RANBP3L: variants seen among roughly 807,000 people sequenced by gnomAD.
RANBP3L encodes RAN binding protein 3 like.
A neutral mutation model predicts 67.2 loss-of-function variants in RANBP3L; 56 were observed. The observed-to-expected ratio is 0.83, with a 90% CI of 0.67 to 1.04. The LOEUF (loss-of-function observed/expected upper bound fraction) is 1.04, where lower values mean the gene tolerates loss of function less well. Ranked by LOEUF, RANBP3L falls within the 50% of genes least tolerant of loss-of-function variation. The probability of loss-of-function intolerance (pLI) is 0.00; values close to 1 mark genes in which losing one functional copy is unlikely to be tolerated. For missense variants in RANBP3L, 496 were observed against 535.5 expected (o/e 0.93, Z 0.73); for synonymous variants, 164 against 181.4 (o/e 0.90, Z 0.77).
chr5:36,290,668 T>G (rs1751670318), intron 1 of RANBP3L, among the ~76,000 whole-genome samples: 1 of 151,386 alleles, frequency 6.6e-6, no homozygotes, highest in Non-Finnish European at 1.5e-5. Flanking sequence ...TTTTTTATTT[T>G]GTGTGTGTTA....
intron 1 of RANBP3L, among the ~76,000 whole-genome samples, chr5:36,274,830 T>C (rs908202748): frequency 2.6e-5 from 4 of 152,138 alleles, no homozygotes; most frequent in African/African-American, 9.7e-5. Context: ...GTCTAAGTTC[T>C]AGAAAAGAGC....
At chr5:36,256,677 G>A (rs1421558146) in intron 10 of RANBP3L, 1 of 403,686 alleles carries the variant, frequency 2.5e-6, no homozygotes, top group Non-Finnish European at 4.4e-6. Context: ...ATTAAAGCAG[G>A]ATACTTGGCT....
intron 1 of RANBP3L, among the ~76,000 whole-genome samples, chr5:36,281,621 A>G (rs1045077931): frequency 2.0e-5 from 3 of 152,064 alleles, no homozygotes; most frequent in African/African-American, 7.2e-5. Flanking sequence ...TTGGGACATG[A>G]TCCTATATTG....
rs1345669904 is a variant in RANBP3L, at chr5:36,277,420, CTCTA to C, written c.92-6113_92-6110del. The stretch of plus-strand genomic sequence containing the variant: ...TTCATCTCTCTCTCTCTCTCTCTCT[CTCTA>C]TATATATATATATATATGTGTGTGT... On this transcript the variant is annotated intron_variant, in intron 1 of 13. Coordinates refer to ENST00000296604, the MANE Select transcript of RANBP3L (RefSeq NM_145000.5). Among the ~76,000 whole-genome samples, 55 of 80,566 alleles carry C rather than the reference CTCTA, an allele frequency of 6.8e-4. No homozygotes were observed. In the Middle Eastern group the frequency reaches 0.023, roughly 33 times the overall value. 52.9% of individuals were successfully genotyped at this position (80,566 alleles called of 152,430 possible).
chr5:36,257,637 CGTTTTTCT>C (rs1749088608), intron 8 of RANBP3L, 81 bp from the exon 9 acceptor site: 1 of 583,504 alleles, frequency 1.7e-6, no homozygotes, highest in Admixed American at 3.1e-5. Context: ...AAGACACTTC[CGTTTTTCT>C]GTTTCAACAC....
intron 1 of RANBP3L, among the ~76,000 whole-genome samples, chr5:36,288,469 T>C (rs1003837678): frequency 1.3e-5 from 2 of 152,218 alleles, no homozygotes; most frequent in African/African-American, 4.8e-5. Context: ...TTCGTGGATA[T>C]ATTTTTATTT....
chr5:36,276,825 G>T (rs561560712), intron 1 of RANBP3L, among the ~76,000 whole-genome samples: 33 of 152,274 alleles, frequency 2.2e-4, no homozygotes, highest in Admixed American at 6.5e-4. Context: ...GCTGAGAATG[G>T]AGTACCTTTG....
intron 3 of RANBP3L, 50 bp from the exon 4 acceptor site, chr5:36,269,517 T>A: frequency 4.7e-6 from 5 of 1,063,174 alleles, no homozygotes; most frequent in Non-Finnish European, 7.4e-6. Context: ...TAATAAATTA[T>A]CCTCAACTCA....
intron 1 of RANBP3L, among the ~76,000 whole-genome samples, chr5:36,273,133 A>G (rs1750340852): frequency 6.6e-6 from 1 of 152,198 alleles, no homozygotes; most frequent in Non-Finnish European, 1.5e-5. Context: ...ATTTGCAGAG[A>G]CTTTGAAAAA....
At chr5:36,272,234 C>T (rs1373916543) in intron 1 of RANBP3L, among the ~76,000 whole-genome samples, 2 of 152,052 alleles carry the variant, frequency 1.3e-5, no homozygotes, top group African/African-American at 4.8e-5. Flanking sequence ...AACAAAAAAG[C>T]CTTAAAGAAA....
intron 6 of RANBP3L, among the ~76,000 whole-genome samples, chr5:36,262,705 G>T (rs955869167): frequency 6.6e-6 from 1 of 151,920 alleles, no homozygotes; most frequent in Non-Finnish European, 1.5e-5. Flanking sequence ...AAAGCCAGAT[G>T]GGTTATGTTT....
chr5:36,280,953 T>C (rs1326824125), intron 1 of RANBP3L, among the ~76,000 whole-genome samples: 1 of 152,202 alleles, frequency 6.6e-6, no homozygotes, highest in African/African-American at 2.4e-5. Context: ...AAAAGTTAGA[T>C]CTGGCTGATC....
chr5:36,257,303 C>A lies in RANBP3L; in HGVS notation c.772+151G>T, dbSNP rs2111694992. 4 of 456,058 alleles carry A rather than the reference C, an allele frequency of 8.8e-6. No homozygotes were observed. In the East Asian group the frequency reaches 1.5e-4, roughly 17 times the overall value. 28.3% of individuals were successfully genotyped at this position (456,058 alleles called of 1,614,324 possible). A position where few individuals can be genotyped will look rare whatever the true frequency, so the allele number is the denominator to read the frequency against. Reference sequence around the variant, plus strand: ...GATAATCATATTTATATGCTTTAACCTTTACCAAAATATTTGAAACACTGG... The same window carrying A: ...GATAATCATATTTATATGCTTTAACATTTACCAAAATATTTGAAACACTGG... On this transcript the variant is annotated intron_variant, in intron 9 of 13. Coordinates refer to ENST00000296604, the MANE Select transcript of RANBP3L (RefSeq NM_145000.5).
At chr5:36,287,235 G>T (rs763034269) in intron 1 of RANBP3L, among the ~76,000 whole-genome samples, 2 of 152,162 alleles carry the variant, frequency 1.3e-5, no homozygotes, top group East Asian at 1.9e-4. Flanking sequence ...GCTCACTCAC[G>T]CCCTGCTCAC....
chr5:36,294,596 G>A (rs1752052131), intron 1 of RANBP3L, among the ~76,000 whole-genome samples: 1 of 151,616 alleles, frequency 6.6e-6, no homozygotes, highest in African/African-American at 2.4e-5. Context: ...ATTCTTGTAT[G>A]TTGTGCCTTT....
intron 1 of RANBP3L, among the ~76,000 whole-genome samples, chr5:36,297,426 T>TACAC (rs35651432): frequency 0.11 from 16,914 of 148,878 alleles, 1,182 homozygotes; most frequent in Non-Finnish European, 0.17. Flanking sequence ...GTCACCTGTA[T>TACAC]ACACACACAC....
At chr5:36,255,409 T>A in intron 11 of RANBP3L, 61 bp downstream of exon 11, 1 of 1,497,838 alleles carries the variant, frequency 6.7e-7, no homozygotes, top group Non-Finnish European at 9.1e-7. Context: ...ACCTATATTA[T>A]TATAAGTACA....
chr5:36,298,878 A>C (rs950553920), intron 1 of RANBP3L, among the ~76,000 whole-genome samples: 8 of 152,200 alleles, frequency 5.3e-5, no homozygotes, highest in African/African-American at 1.9e-4. Context: ...GATTATTTCC[A>C]GGCTTCTCTG....
chr5:36,252,589 T>C (rs1170801208), intron 12 of RANBP3L, among the ~76,000 whole-genome samples: 1 of 152,126 alleles, frequency 6.6e-6, no homozygotes, highest in Non-Finnish European at 1.5e-5. Flanking sequence ...TATGTATGTA[T>C]GTATATTCTT....
Sources: allele counts gnomAD v4.1 joint callset (sites outside exome capture counted in the v4.1 genomes callset), GRCh38; gene constraint gnomAD v4.1.1; transcripts MANE v1.5; gene names NCBI Gene and HGNC (gene_info 2026-07-23, HGNC 2026-07-21).